The following TMEM236 variants were observed in gnomAD, a reference collection of about 807,000 sequenced individuals.
TMEM236 encodes the protein family with sequence similarity 23, member A.
In TMEM236, 11 loss-of-function variants were observed where a neutral mutation model predicts 14.7. The observed-to-expected ratio is 0.75, with a 90% CI of 0.47 to 1.24. The LOEUF is 1.24. TMEM236 is among the 50% of genes most tolerant of loss of function. The probability of loss-of-function intolerance (pLI) is 0.00; values close to 1 mark genes in which losing one functional copy is unlikely to be tolerated. For synonymous variants in TMEM236, 182 were observed against 168.6 expected, an observed-to-expected ratio of 1.08 and a Z score of -0.62; for missense variants, 464 against 427.3, an observed-to-expected ratio of 1.09 and a Z score of -0.76.
In TMEM236 at chr10:17,796,326, G is replaced by A; in HGVS notation, c.878G>A (p.Ser293Asn). Residue 293 changes from serine (S) to asparagine (N), a missense_variant, in exon 4 of 4, where the codon AGC becomes AAC. By Grantham distance (46) the Ser-to-Asn change is conservative (BLOSUM62 1). Transcript: ENST00000377495. ...CAAAACCCTCTTCTCAATTCCCTGA[G>A]CGTCCTGCTGCAAGATTTACCATTC... Reference protein sequence around the residue: ...TPQNPLLNSLSVLLQDLPFVF... With the variant: ...TPQNPLLNSLNVLLQDLPFVF... 6.2e-7 allele frequency: 1 copy of A among 1,613,872 alleles called. No homozygotes were observed. Among genetic ancestry groups the A allele is most frequent in the Non-Finnish European group, 8.5e-7 (1 of 1,179,846 alleles).
intron 3 of TMEM236, among the ~76,000 whole-genome samples, chr10:17,783,098 C>T (rs1424147031): frequency 6.6e-6 from 1 of 152,068 alleles, no homozygotes; most frequent in Non-Finnish European, 1.5e-5. Context: ...ACTGGCAAAA[C>T]AGAAGCTGGG....
At position 17,798,786 on chromosome 10, in the gene TMEM236, A is replaced by C. The variant is rs1047687073; in HGVS notation, c.*2282A>C. 2.9e-3 allele frequency: 1,333 copies of C among 467,528 alleles called. 18 individuals carry two copies. The highest frequency in any genetic ancestry group is 0.02 in the South Asian group (1,265 of 63,060). The allele number at this position is 467,528 out of a possible 1,614,324, so 29.0% of individuals were successfully genotyped here. A position where few individuals can be genotyped will look rare whatever the true frequency, so the allele number is the denominator to read the frequency against. On this transcript the variant is annotated 3_prime_UTR_variant, in exon 4 of 4. Coordinates refer to ENST00000377495, the MANE Select transcript of TMEM236 (RefSeq NM_001098844.3). ...CTAGTACTACATTAATAGGGTTAGG[A>C]GGGTTAAAGGGTAAAGAGTCCTTTG...
rs1033796750 is a variant in TMEM236, at chr10:17,761,738, C to T, written c.257+9186C>T. On this transcript the variant is annotated intron_variant, in intron 1 of 3. Coordinates refer to ENST00000377495, the MANE Select transcript of TMEM236 (RefSeq NM_001098844.3). ...AAAAGGAAGTTTTCTGTATCTCAGC[C>T]GCACCCCTTAAAAATCTCCTCTTCC... Among the ~76,000 whole-genome samples, 9 of 151,922 alleles carry T rather than the reference C, an allele frequency of 5.9e-5. No individual in the cohort carries two copies. In the South Asian group the frequency reaches 1.0e-3, roughly 18 times the overall value.
intron 1 of TMEM236, among the ~76,000 whole-genome samples, chr10:17,758,605 G>C (rs1474732949): frequency 1.3e-5 from 2 of 152,194 alleles, no homozygotes; most frequent in Non-Finnish European, 2.9e-5. Flanking sequence ...TCCTAGCATA[G>C]CAACTGGTCT....
rs1430704155 is a variant in TMEM236, at chr10:17,797,315, CGAT to C, written c.*813_*815del. 7.0e-6 allele frequency: 1 copy of C among 143,512 alleles called. No individual in the cohort carries two copies. Among genetic ancestry groups the C allele is most frequent in the Non-Finnish European group, 1.5e-5 (1 of 66,560 alleles). The allele number at this position is 143,512 out of a possible 1,614,324, so 8.9% of individuals were successfully genotyped here. On this transcript the variant is annotated 3_prime_UTR_variant, in exon 4 of 4. Transcript: ENST00000377495. ...TATACTTTTTTTTTTTTTTTTGAGA[CGAT>C]GTCTCGCTCTTGTCCCCTAGGCTGG...
At chr10:17,780,686 T>C (rs1444684377) in intron 3 of TMEM236, among the ~76,000 whole-genome samples, 5 of 152,048 alleles carry the variant, frequency 3.3e-5, no homozygotes, top group Non-Finnish European at 7.4e-5. Flanking sequence ...TGAAGCAGTG[T>C]TGTTGTCTGG....
rs1838052299 is a variant in TMEM236, at chr10:17,798,645, T to G, written c.*2141T>G. 3 of 341,492 alleles carry G rather than the reference T, an allele frequency of 8.8e-6. No homozygotes were observed. Among genetic ancestry groups the G allele is most frequent in the Non-Finnish European group, 2.0e-5 (3 of 148,416 alleles). The allele number at this position is 341,492 out of a possible 1,614,324, so 21.2% of individuals were successfully genotyped here. ...CTCTGTTTTAGGATTTTTCTCACAC[T>G]GTAAAAGAAGATTTACTCACAGTTG... On this transcript the variant is annotated 3_prime_UTR_variant, in exon 4 of 4. Transcript: ENST00000377495.
rs1838067386 is a variant in TMEM236 at position 17,799,728 on chromosome 10, C to T, written c.*3224C>T. The T allele has an allele frequency of 6.6e-6, 1 of 152,434 alleles. No homozygotes were observed. Among genetic ancestry groups the T allele is most frequent in the African/African-American group, 2.4e-5 (1 of 41,374 alleles). 9.4% of individuals were successfully genotyped at this position (152,434 alleles called of 1,614,324 possible). A position where few individuals can be genotyped will look rare whatever the true frequency, so the allele number is the denominator to read the frequency against. On this transcript the variant is annotated 3_prime_UTR_variant, in exon 4 of 4. Coordinates refer to ENST00000377495, the MANE Select transcript of TMEM236 (RefSeq NM_001098844.3). ...TTTTGTGTAAGTATATATTTATCTC[C>T]ATATTAGAACTTAGCAACAGTGCTC...
At position 17,752,258 on chromosome 10, in the gene TMEM236, G is replaced by A; in HGVS notation, c.-38G>A. On this transcript the variant is annotated 5_prime_UTR_variant, in exon 1 of 4. Coordinates refer to ENST00000377495, the MANE Select transcript of TMEM236 (RefSeq NM_001098844.3). ...TCCATATGCTGCCCACAGTCAAAGA[G>A]GGAGTCCCAGGTTCTTGGCAGCTTG... The A allele has an allele frequency of 6.2e-7, 1 of 1,613,902 alleles. No homozygotes were observed. Among genetic ancestry groups the A allele is most frequent in the East Asian group, 2.2e-5 (1 of 44,876 alleles).
At chr10:17,782,308 A>T (rs2131758424) in intron 3 of TMEM236, among the ~76,000 whole-genome samples, 1 of 152,390 alleles carries the variant, frequency 6.6e-6, no homozygotes, top group South Asian at 2.1e-4. Flanking sequence ...AAGAAAAGGT[A>T]AACCAACCAT....
chr10:17,754,301 G>A (rs948362539), intron 1 of TMEM236, among the ~76,000 whole-genome samples: 15,176 of 152,140 alleles, frequency 0.1, 939 homozygotes, highest in Non-Finnish European at 0.15. Flanking sequence ...TAAAACAACT[G>A]GTTCCTTTAG....
intron 3 of TMEM236, among the ~76,000 whole-genome samples, chr10:17,776,732 T>C (rs2131753639): frequency 6.6e-6 from 1 of 152,240 alleles, no homozygotes; most frequent in East Asian, 1.9e-4. Context: ...CTCAGGAGTT[T>C]GAGACCAGCC....
rs1554835034 is a variant in TMEM236 at position 17,774,024 on chromosome 10, TATA to T, written c.331-2004_331-2002del. The stretch of plus-strand genomic sequence containing the variant: ...AAAGTCTTAAAATCTTTCATATATA[TATA>T]TTTTTGTTTGTTTGTTTGTTTGTTT... On this transcript the variant is annotated intron_variant, in intron 2 of 3. Transcript: ENST00000377495. 1.8e-4 allele frequency among the ~76,000 whole-genome samples: 23 copies of T among 125,242 alleles called. No individual in the cohort carries two copies. In the South Asian group the frequency reaches 2.6e-3, roughly 14 times the overall value. The allele number at this position is 125,242 out of a possible 152,430, so 82.2% of individuals were successfully genotyped here. A position where few individuals can be genotyped will look rare whatever the true frequency, so the allele number is the denominator to read the frequency against.
intron 3 of TMEM236, among the ~76,000 whole-genome samples, chr10:17,786,910 C>A (rs1837845878): frequency 6.6e-6 from 1 of 152,100 alleles, no homozygotes; most frequent in African/African-American, 2.4e-5. Context: ...AGTGAATAAG[C>A]CTTATGAGAT....
At chr10:17,774,511 AT>A (rs1241679660) in intron 2 of TMEM236, among the ~76,000 whole-genome samples, 6,496 of 152,206 alleles carry the variant, frequency 0.043, 269 homozygotes, top group East Asian at 0.21. Flanking sequence ...TCCTTCCCAC[AT>A]TTCTCTGCTG....
At position 17,798,943 on chromosome 10, in the gene TMEM236, C is replaced by T. The variant is rs1589156327; in HGVS notation, c.*2439C>T. ...TTTTATTCTTTTCTGTGGCCCTGCT[C>T]ACCCTCTGGGAATAATCATTTCAAC... On this transcript the variant is annotated 3_prime_UTR_variant, in exon 4 of 4. Coordinates refer to ENST00000377495, the MANE Select transcript of TMEM236 (RefSeq NM_001098844.3). 2 of 331,618 alleles carry T rather than the reference C, an allele frequency of 6.0e-6. No individual in the cohort carries two copies. Among genetic ancestry groups the T allele is most frequent in the Non-Finnish European group, 5.9e-6 (1 of 170,704 alleles). The allele number at this position is 331,618 out of a possible 1,614,324, so 20.5% of individuals were successfully genotyped here. A position where few individuals can be genotyped will look rare whatever the true frequency, so the allele number is the denominator to read the frequency against.
rs959115869 is a variant in TMEM236 at position 17,798,398 on chromosome 10, G to C, written c.*1894G>C. The C allele has an allele frequency of 5.4e-6, 2 of 367,264 alleles. No homozygotes were observed. The highest frequency in any genetic ancestry group is 1.1e-5 in the Non-Finnish European group (2 of 186,544). The allele number at this position is 367,264 out of a possible 1,614,324, so 22.8% of individuals were successfully genotyped here. On this transcript the variant is annotated 3_prime_UTR_variant, in exon 4 of 4. Coordinates refer to ENST00000377495, the MANE Select transcript of TMEM236 (RefSeq NM_001098844.3). ...TACAAAAAATACAAAAATTAGCTGG[G>C]CATGGTGATCTGCAACTATAGTCCC...
chr10:17,758,100 A>C (rs1034504808), intron 1 of TMEM236, among the ~76,000 whole-genome samples: 1 of 152,238 alleles, frequency 6.6e-6, no homozygotes, highest in Non-Finnish European at 1.5e-5. Flanking sequence ...TGTCATTAAC[A>C]TAATTTCACC....
intron 1 of TMEM236, among the ~76,000 whole-genome samples, chr10:17,754,580 G>C (rs1280139729): frequency 6.6e-6 from 1 of 152,148 alleles, no homozygotes; most frequent in African/African-American, 2.4e-5. Context: ...ACCCGTCTTG[G>C]CCTCCCAAAG....
Sources: gnomAD v4.1 joint callset for allele counts (sites outside exome capture counted in the v4.1 genomes callset) on GRCh38, gnomAD v4.1.1 for gene constraint, MANE v1.5 for transcripts, NCBI Gene and HGNC (gene_info 2026-07-23, HGNC 2026-07-21) for gene names.